SULT6B1: variants seen among roughly 807,000 people sequenced by gnomAD.
SULT6B1 encodes sulfotransferase 6B1.
In SULT6B1, 44 loss-of-function variants were observed where a neutral mutation model predicts 37.2. The observed-to-expected ratio is 1.18, with a 90% CI of 0.93 to 1.52. SULT6B1 has a LOEUF of 1.52. Ranked by LOEUF, SULT6B1 falls within the 40% of genes most tolerant of loss-of-function variation. The pLI is 0.00. For synonymous variants in SULT6B1, 140 were observed against 126.0 expected, an observed-to-expected ratio of 1.11 and a Z score of -0.74; for missense variants, 450 against 361.0, an observed-to-expected ratio of 1.25 and a Z score of -2.00.
rs765042656 is a variant in SULT6B1, at chr2:37,179,451, G to T, written c.529+7C>A. Reference sequence around the variant, plus strand: ...AGTAAGAATAATTCTTTTACCAACAGCCATACCTTGTCCTTTCATGAACTG... The same window carrying T: ...AGTAAGAATAATTCTTTTACCAACATCCATACCTTGTCCTTTCATGAACTG... On this transcript the variant is annotated splice_region_variant and intron_variant, in intron 4 of 6. Transcript: ENST00000535679. 1 of 1,613,184 alleles carries T rather than the reference G, an allele frequency of 6.2e-7. No individual in the cohort carries two copies. The highest frequency in any genetic ancestry group is 8.5e-7 in the Non-Finnish European group (1 of 1,179,884).
In SULT6B1 at chr2:37,183,515, C is replaced by T; in HGVS notation, c.313-1G>A. On this transcript the variant is annotated splice_acceptor_variant, in intron 2 of 6. Coordinates refer to ENST00000535679, the MANE Select transcript of SULT6B1 (RefSeq NM_001367551.1). LOFTEE classifies it high-confidence loss of function. ...TTGGTGATGGAAAGCCTTTCATTCT[C>T]TTAAAAATATACACAAAAAGGTGAA... 6.2e-7 allele frequency: 1 copy of T among 1,612,136 alleles called. No individual in the cohort carries two copies. The highest frequency in any genetic ancestry group is 8.5e-7 in the Non-Finnish European group (1 of 1,178,238).
At chr2:37,183,709 T>C (rs1387917709) in intron 2 of SULT6B1, among the ~76,000 whole-genome samples, 195 bp from the exon 3 acceptor site, 1 of 152,196 alleles carries the variant, frequency 6.6e-6, no homozygotes, top group East Asian at 1.9e-4. Context: ...TGTGGCGCGA[T>C]CTCAGCTCAC....
At chr2:37,174,564 T>C (rs555176260) in intron 5 of SULT6B1, among the ~76,000 whole-genome samples, 1 of 152,264 alleles carries the variant, frequency 6.6e-6, no homozygotes, top group African/African-American at 2.4e-5. Context: ...GCATTTTTAA[T>C]TTTCCTTCAC....
At position 37,188,535 on chromosome 2, in the gene SULT6B1, G is replaced by A. The variant is rs773339526; in HGVS notation, c.106C>T (p.Pro36Ser). ...GTTTCTGAGGTGCACATGGTGATGG[G>A]GTAAGGAATCCCCTGATAGGTGAAA... ...LFFTYQGIPY[P>S]ITMCTSETFQ... is the part of the protein sequence containing the mutation. The change falls in exon 1 of 7, where the codon CCC (proline) becomes TCC (serine). Residue 36 changes from proline (P) to serine (S), a missense_variant. By Grantham distance (74) the Pro-to-Ser change is moderately conservative. Transcript: ENST00000535679. 6.2e-7 allele frequency: 1 copy of A among 1,614,032 alleles called. No individual in the cohort carries two copies. The highest frequency in any genetic ancestry group is 8.5e-7 in the Non-Finnish European group (1 of 1,179,884).
chr2:37,172,297 G>A (rs1385401327), intron 5 of SULT6B1, among the ~76,000 whole-genome samples: 1 of 152,064 alleles, frequency 6.6e-6, no homozygotes. Context: ...AGTGCATAAT[G>A]TGAATCTCCA....
upstream of SULT6B1, among the ~76,000 whole-genome samples, chr2:37,193,332 C>A (rs1044821774): frequency 6.7e-6 from 1 of 148,456 alleles, no homozygotes; most frequent in Non-Finnish European, 1.5e-5. Context: ...TGTGGCGGTG[C>A]GTGCCTGTAG....
At position 37,188,427 on chromosome 2, in the gene SULT6B1, C is replaced by T. The variant is rs754795838; in HGVS notation, c.199+15G>A. ...CTATGAGAAGTGTACTTGTAGGAAA[C>T]GACTTGTCATTTACCGCACTTTGGA... On this transcript the variant is annotated intron_variant, in intron 1 of 6. Coordinates refer to ENST00000535679, the MANE Select transcript of SULT6B1 (RefSeq NM_001367551.1). The T allele has an allele frequency of 7.1e-5, 114 of 1,606,320 alleles. No homozygotes were observed. The highest frequency in any genetic ancestry group is 4.5e-5 in the East Asian group (2 of 44,846).
chr2:37,183,428 G>A lies in SULT6B1; in HGVS notation c.399C>T (p.Ala133=), dbSNP rs752272677. 2 of 1,612,820 alleles carry A rather than the reference G, an allele frequency of 1.2e-6. No individual in the cohort carries two copies. Among genetic ancestry groups the A allele is most frequent in the Non-Finnish European group, 1.7e-6 (2 of 1,179,016 alleles). ...ATCAGTAGGAAAGGACACTCACCTT[G>A]GCTTTATTCTCGAAGATAGACCCAG... The part of the protein sequence containing the change: ...KLPGSIFENK[A]KILVIFRNPK... The change falls in exon 3 of 7, where the codon GCC becomes GCT. Residue 133 remains alanine (A), a synonymous_variant. Coordinates refer to ENST00000535679, the MANE Select transcript of SULT6B1 (RefSeq NM_001367551.1).
chr2:37,192,059 C>A (rs1311847873), upstream of SULT6B1, among the ~76,000 whole-genome samples: 3 of 152,178 alleles, frequency 2.0e-5, no homozygotes, highest in Admixed American at 2.0e-4. Context: ...GCAAGTACAG[C>A]TGGTTGGGCT....
At chr2:37,175,348 A>G (rs2148288225) in intron 4 of SULT6B1, 122 bp from the exon 5 acceptor site, 1 of 432,632 alleles carries the variant, frequency 2.3e-6, no homozygotes, top group Non-Finnish European at 4.0e-6. Context: ...TCTTTATGTT[A>G]TTATAAATCC....
chr2:37,175,090 T>G, intron 5 of SULT6B1, 42 bp downstream of exon 5: 1 of 1,251,482 alleles, frequency 8.0e-7, no homozygotes, highest in Non-Finnish European at 1.1e-6. Context: ...TACGTTGTAG[T>G]TTACAATAAA....
At position 37,188,473 on chromosome 2, in the gene SULT6B1, A is replaced by G; in HGVS notation, c.168T>C (p.Asp56=). The change falls in exon 1 of 7, where the codon GAT becomes GAC. Residue 56 remains aspartate, a synonymous_variant. Transcript: ENST00000535679. ...TTGGATAAGATGCTAGCACGATGTC[A>G]TCATGTCTGGCTTCGAAGGTGTCCA... ...QALDTFEARH[D]DIVLASYPKC... is the part of the protein sequence containing the mutation. 2 of 1,614,140 alleles carry G rather than the reference A, an allele frequency of 1.2e-6. No individual in the cohort carries two copies. Among genetic ancestry groups the G allele is most frequent in the Non-Finnish European group, 1.7e-6 (2 of 1,180,000 alleles).
At chr2:37,172,781 T>C (rs1039500197) in intron 5 of SULT6B1, among the ~76,000 whole-genome samples, 15 of 152,154 alleles carry the variant, frequency 9.9e-5, no homozygotes, top group Non-Finnish European at 1.8e-4. Flanking sequence ...GTGCTAGGAT[T>C]ACAGGCGTGA....
Position 37,167,899 on chromosome 2 carries a change from A to G in SULT6B1, c.*36T>C. 1.3e-6 allele frequency: 2 copies of G among 1,513,028 alleles called. No individual in the cohort carries two copies. Among genetic ancestry groups the G allele is most frequent in the Non-Finnish European group, 1.8e-6 (2 of 1,138,454 alleles). 93.7% of individuals were successfully genotyped at this position (1,513,028 alleles called of 1,614,324 possible). A position where few individuals can be genotyped will look rare whatever the true frequency, so the allele number is the denominator to read the frequency against. On this transcript the variant is annotated 3_prime_UTR_variant, in exon 7 of 7. Coordinates refer to ENST00000535679, the MANE Select transcript of SULT6B1 (RefSeq NM_001367551.1). Reference sequence around the variant, plus strand: ...AATTATTTACACTTAATTATTATTAAGGAAAATAAATCTAGGCCTGCTGAA... The same window carrying G: ...AATTATTTACACTTAATTATTATTAGGGAAAATAAATCTAGGCCTGCTGAA...
chr2:37,176,246 G>T (rs1676424714), intron 4 of SULT6B1, among the ~76,000 whole-genome samples: 2 of 144,670 alleles, frequency 1.4e-5, no homozygotes, highest in East Asian at 2.1e-4. Flanking sequence ...CTGCTTCATA[G>T]TAACACGCAA....
chr2:37,188,645 G>T lies in SULT6B1; in HGVS notation c.-5C>A, dbSNP rs1402629940. 9.2e-7 allele frequency: 1 copy of T among 1,089,644 alleles called. No homozygotes were observed. The allele number at this position is 1,089,644 out of a possible 1,614,324, so 67.5% of individuals were successfully genotyped here. A position where few individuals can be genotyped will look rare whatever the true frequency, so the allele number is the denominator to read the frequency against. ...AAATTTGGATTTATCAGCCATGGTG[G>T]CTCCCTGTAAAAGAACCTGCTCTGT... On this transcript the variant is annotated 5_prime_UTR_variant, in exon 1 of 7. Transcript: ENST00000535679.
intron 3 of SULT6B1, among the ~76,000 whole-genome samples, 195 bp from the exon 4 acceptor site, chr2:37,179,779 G>A (rs969063978): frequency 6.6e-6 from 1 of 152,054 alleles, no homozygotes; most frequent in Non-Finnish European, 1.5e-5. Flanking sequence ...GAAAGAAGAA[G>A]AAAAAGATTG....
At chr2:37,192,959 A>G (rs914255829), upstream of SULT6B1, among the ~76,000 whole-genome samples, 5 of 152,210 alleles carry the variant, frequency 3.3e-5, no homozygotes, top group Non-Finnish European at 7.3e-5. Flanking sequence ...GCCGTGAATA[A>G]TTACAGAATA....
intron 2 of SULT6B1, among the ~76,000 whole-genome samples, chr2:37,185,254 A>C (rs1314102666): frequency 6.6e-6 from 1 of 152,226 alleles, no homozygotes; most frequent in Non-Finnish European, 1.5e-5. Context: ...TAACTAAATT[A>C]GATAGCTACA....
Sources: allele counts gnomAD v4.1 joint callset (sites outside exome capture counted in the v4.1 genomes callset), GRCh38; gene constraint gnomAD v4.1.1; transcripts MANE v1.5; gene names NCBI Gene and HGNC (gene_info 2026-07-23, HGNC 2026-07-21).